METTL22: variants seen among roughly 807,000 people sequenced by gnomAD.
The protein encoded by METTL22 is methyltransferase-like protein 22.
In METTL22, 51 loss-of-function variants were observed where a neutral mutation model predicts 48.4. The observed-to-expected ratio is 1.05, with a 90% CI of 0.84 to 1.33. METTL22 has a LOEUF of 1.33. Ranked by LOEUF, METTL22 falls within the 40% of genes most tolerant of loss-of-function variation. The probability of loss-of-function intolerance (pLI) is 0.00; values close to 1 mark genes in which losing one functional copy is unlikely to be tolerated. For synonymous variants in METTL22, 255 were observed against 214.1 expected, an observed-to-expected ratio of 1.19 and a Z score of -1.67; for missense variants, 678 against 526.9, an observed-to-expected ratio of 1.29 and a Z score of -2.81.
rs2056154872 is a variant in METTL22, at chr16:8,628,888, T to C, written c.292T>C (p.Phe98Leu). 2 of 1,613,902 alleles carry C rather than the reference T, an allele frequency of 1.2e-6. No individual in the cohort carries two copies. The highest frequency in any genetic ancestry group is 1.7e-6 in the Non-Finnish European group (2 of 1,179,978). The change falls in exon 3 of 11, where the codon TTC becomes CTC. Residue 98 changes from phenylalanine (F) to leucine (L), a missense_variant. Coordinates refer to ENST00000381920, the MANE Select transcript of METTL22 (RefSeq NM_024109.4). ...AGGAAGTGGCCATGGTAATGAGGGT[T>C]TCTCCCTCCAGGCCGGGACTGACAC... is the stretch of plus-strand genomic sequence containing the variant. ...PPGSGHGNEG[F>L]SLQAGTDTTG...
chr16:8,644,840 AG>A, intron 10 of METTL22, 115 bp downstream of exon 10: 11 of 1,162,984 alleles, frequency 9.5e-6, no homozygotes, highest in Non-Finnish European at 1.2e-5. Context: ...CTAGTCCTGC[AG>A]GGGGTGAAGC....
At chr16:8,624,421 G>C (rs2055969473) in intron 1 of METTL22, among the ~76,000 whole-genome samples, 1 of 150,962 alleles carries the variant, frequency 6.6e-6, no homozygotes, top group Admixed American at 6.6e-5. Context: ...CACCCAGCCT[G>C]GAGTGCAGAG....
chr16:8,638,532 C>A (rs568734449), intron 5 of METTL22, among the ~76,000 whole-genome samples: 2 of 152,078 alleles, frequency 1.3e-5, no homozygotes, highest in African/African-American at 4.8e-5. Context: ...CAAAGTGAAT[C>A]GCGCTCAAGA....
downstream of METTL22, among the ~76,000 whole-genome samples, chr16:8,650,153 C>G (rs1641080): frequency 0.99 from 150,414 of 152,328 alleles, 74,296 homozygotes; most frequent in Middle Eastern, 1. Flanking sequence ...TACAGAGACC[C>G]TATCTCTAAA....
At chr16:8,639,390 T>C in intron 6 of METTL22, 1 of 581,154 alleles carries the variant, frequency 1.7e-6, no homozygotes, top group Non-Finnish European at 3.1e-6. Context: ...ACTCCAGCTC[T>C]TTCTCTCCCG....
At chr16:8,630,703 T>C (rs925450715) in intron 3 of METTL22, among the ~76,000 whole-genome samples, 2 of 152,190 alleles carry the variant, frequency 1.3e-5, no homozygotes, top group African/African-American at 4.8e-5. Flanking sequence ...GGGAAGAGGC[T>C]GGCCTGTGAC....
In METTL22 at chr16:8,641,163, C is replaced by G. The variant is rs2056604058; in HGVS notation, c.805C>G (p.Leu269Val). Residue 269 changes from leucine to valine, a missense_variant, in exon 7 of 11, where the codon CTG (leucine) becomes GTG (valine). Coordinates refer to ENST00000381920, the MANE Select transcript of METTL22 (RefSeq NM_024109.4). ...GIVRVKELDW[L>V]KDDLCTDPKV... The stretch of plus-strand genomic sequence containing the variant: ...AGTTAGGGTCAAAGAACTGGACTGG[C>G]TGAAGGACGACCTCTGCACAGGTGT... 3 of 1,613,846 alleles carry G rather than the reference C, an allele frequency of 1.9e-6. No homozygotes were observed. Among genetic ancestry groups the G allele is most frequent in the Admixed American group, 1.7e-5 (1 of 59,992 alleles).
chr16:8,635,082 G>A lies in METTL22; in HGVS notation c.555+3G>A. 6.2e-7 allele frequency: 1 copy of A among 1,614,012 alleles called. No individual in the cohort carries two copies. Among genetic ancestry groups the A allele is most frequent in the Non-Finnish European group, 8.5e-7 (1 of 1,180,032 alleles). On this transcript the variant is annotated splice_donor_region_variant and intron_variant, in intron 4 of 10. Coordinates refer to ENST00000381920, the MANE Select transcript of METTL22 (RefSeq NM_024109.4). ...CCCTGGAGGATGTTGGCAAGCAGGT[G>A]GGTAGGTCTTGTCCGCTTCCTGTGG...
rs1026884687 is a variant in METTL22 at position 8,649,203 on chromosome 16, G to A, written c.*3060G>A. On this transcript the variant is annotated 3_prime_UTR_variant, in exon 11 of 11. Coordinates refer to ENST00000381920, the MANE Select transcript of METTL22 (RefSeq NM_024109.4). ...TATGTCTAAACCACTGGGCCTGAAA[G>A]CTTCCTCTAAGTAGAGCCTGGAATT... 1 of 152,184 alleles carries A rather than the reference G, an allele frequency of 6.6e-6. No individual in the cohort carries two copies. The highest frequency in any genetic ancestry group is 2.4e-5 in the African/African-American group (1 of 41,438). The allele number at this position is 152,184 out of a possible 1,614,324, so 9.4% of individuals were successfully genotyped here.
chr16:8,638,879 C>T (rs182087586), intron 5 of METTL22, among the ~76,000 whole-genome samples: 33 of 152,298 alleles, frequency 2.2e-4, no homozygotes, highest in African/African-American at 7.5e-4. Context: ...ACTGTCTCTC[C>T]CCATCAGGAG....
At chr16:8,644,519 A>C (rs993807311) in intron 9 of METTL22, 38 bp from the exon 10 acceptor site, 21 of 1,514,814 alleles carry the variant, frequency 1.4e-5, no homozygotes, top group Non-Finnish European at 1.8e-5. Context: ...CTTCCCATTG[A>C]TGATGGCAGT....
intron 1 of METTL22, among the ~76,000 whole-genome samples, chr16:8,623,374 T>G (rs2055926535): frequency 6.6e-6 from 1 of 151,762 alleles, no homozygotes; most frequent in African/African-American, 2.4e-5. Flanking sequence ...TCACTTTTGA[T>G]TTTTACAGCA....
At chr16:8,650,428 T>G (rs1296466433), downstream of METTL22, among the ~76,000 whole-genome samples, 1 of 152,238 alleles carries the variant, frequency 6.6e-6, no homozygotes, top group Non-Finnish European at 1.5e-5. Context: ...TGACCTAGCC[T>G]CTCTGAACCT....
rs1054167649 is a variant in METTL22 at position 8,625,536 on chromosome 16, C to T, written c.-130C>T. On this transcript the variant is annotated 5_prime_UTR_variant, in exon 2 of 11. Coordinates refer to ENST00000381920, the MANE Select transcript of METTL22 (RefSeq NM_024109.4). ...TGGCCAAGTCTCTGAGATCTTCTCC[C>T]AGGGCGATGCAAAGCTACTCGCTAC... The T allele has an allele frequency of 1.4e-6, 1 of 724,798 alleles. No individual in the cohort carries two copies. Among genetic ancestry groups the T allele is most frequent in the African/African-American group, 1.8e-5 (1 of 56,438 alleles). The allele number at this position is 724,798 out of a possible 1,614,324, so 44.9% of individuals were successfully genotyped here. A position where few individuals can be genotyped will look rare whatever the true frequency, so the allele number is the denominator to read the frequency against.
the METTL22 span, chr16:8,667,118 C>G: frequency 6.6e-6 from 1 of 151,950 alleles, no homozygotes; most frequent in African/African-American, 2.4e-5. Context: ...TTTCATCTTC[C>G]ATTGTCTGTA....
rs1261866835 is a variant in METTL22 at position 8,648,054 on chromosome 16, T to C, written c.*1911T>C. 2.0e-5 allele frequency: 3 copies of C among 152,242 alleles called. No homozygotes were observed. The highest frequency in any genetic ancestry group is 4.4e-5 in the Non-Finnish European group (3 of 68,058). The allele number at this position is 152,242 out of a possible 1,614,324, so 9.4% of individuals were successfully genotyped here. A position where few individuals can be genotyped will look rare whatever the true frequency, so the allele number is the denominator to read the frequency against. On this transcript the variant is annotated 3_prime_UTR_variant, in exon 11 of 11. Transcript: ENST00000381920. ...AAATGCAACATCAGGCTGAGCATGT[T>C]GGCTCACTCCTGCAATCCCGATACT...
chr16:8,660,553 C>T, the METTL22 span, among the ~76,000 whole-genome samples: 3 of 151,862 alleles, frequency 2.0e-5, no homozygotes, highest in African/African-American at 7.3e-5. Context: ...TCATTGGAGC[C>T]AGCTTTGTCA....
At chr16:8,627,973 A>G (rs1366824174) in intron 2 of METTL22, among the ~76,000 whole-genome samples, 3 of 152,154 alleles carry the variant, frequency 2.0e-5, no homozygotes, top group Non-Finnish European at 4.4e-5. Flanking sequence ...CCTGGGCTCA[A>G]GAAATCTTCC....
intron 10 of METTL22, chr16:8,645,776 TA>T: frequency 2.6e-6 from 1 of 382,774 alleles, no homozygotes; most frequent in Non-Finnish European, 3.9e-6. Context: ...ATCCTGTCTC[TA>T]AAATAAAATT....
Sources: gnomAD v4.1 joint callset for allele counts (sites outside exome capture counted in the v4.1 genomes callset) on GRCh38, gnomAD v4.1.1 for gene constraint, MANE v1.5 for transcripts, NCBI Gene and HGNC (gene_info 2026-07-23, HGNC 2026-07-21) for gene names.